The following CHCHD6 variants were observed in gnomAD, a reference collection of about 807,000 sequenced individuals.
CHCHD6 encodes coiled-coil-helix-coiled-coil-helix domain containing 6, also known as MICOS complex subunit MIC25.
CHCHD6 carries 28 observed loss-of-function variants against 32.3 expected under a neutral mutation model. The ratio of observed to expected loss-of-function variants is 0.87; its 90% CI spans 0.64 to 1.19. The LOEUF (loss-of-function observed/expected upper bound fraction) is 1.19, where lower values mean the gene tolerates loss of function less well. Ranked by LOEUF, CHCHD6 falls within the 50% of genes most tolerant of loss-of-function variation. CHCHD6 has a pLI of 0.00. For synonymous variants in CHCHD6, 122 were observed against 117.5 expected, an observed-to-expected ratio of 1.04 and a Z score of -0.25; for missense variants, 333 against 307.0, an observed-to-expected ratio of 1.08 and a Z score of -0.63.
At chr3:126,722,388 C>G (rs1365003949) in intron 1 of CHCHD6, among the ~76,000 whole-genome samples, 1 of 152,186 alleles carries the variant, frequency 6.6e-6, no homozygotes, top group Non-Finnish European at 1.5e-5. Context: ...GTCTCAAACT[C>G]CTGGTCTCAA....
chr3:126,909,900 GT>G (rs1293488409), intron 5 of CHCHD6, among the ~76,000 whole-genome samples: 1 of 152,236 alleles, frequency 6.6e-6, no homozygotes, highest in Non-Finnish European at 1.5e-5. Context: ...GTGCTGCAGG[GT>G]TCCAGGAGCT....
chr3:126,731,765 A>G (rs1935813328), intron 3 of CHCHD6, among the ~76,000 whole-genome samples: 1 of 152,066 alleles, frequency 6.6e-6, no homozygotes, highest in Non-Finnish European at 1.5e-5. Context: ...TACTCTCCCT[A>G]ATCGGTCTTA....
chr3:126,881,290 T>G (rs1319013577), intron 5 of CHCHD6, among the ~76,000 whole-genome samples: 1 of 152,186 alleles, frequency 6.6e-6, no homozygotes, highest in Non-Finnish European at 1.5e-5. Context: ...GCTCTGCCCC[T>G]CCTCTGGGCA....
intron 5 of CHCHD6, among the ~76,000 whole-genome samples, chr3:126,881,539 G>C (rs1005703020): frequency 1.3e-5 from 2 of 152,206 alleles, no homozygotes; most frequent in Non-Finnish European, 2.9e-5. Flanking sequence ...AGGTGTAAGA[G>C]AGCTGACCCT....
intron 1 of CHCHD6, 48 bp downstream of exon 1, chr3:126,704,447 G>C (rs1049232246): frequency 6.0e-5 from 73 of 1,221,986 alleles, no homozygotes; most frequent in Admixed American, 4.3e-4. Context: ...CCGCGGGCGC[G>C]GGGGGGAGGT....
chr3:126,792,654 T>C (rs962263262), intron 4 of CHCHD6, among the ~76,000 whole-genome samples: 4 of 152,196 alleles, frequency 2.6e-5, no homozygotes, highest in African/African-American at 9.7e-5. Context: ...CATTTTAGTG[T>C]TCATTTTATG....
intron 5 of CHCHD6, among the ~76,000 whole-genome samples, chr3:126,912,344 G>A (rs2078102825): frequency 6.6e-6 from 1 of 152,186 alleles, no homozygotes; most frequent in Admixed American, 6.5e-5. Context: ...GCCCAGGACA[G>A]GCAGTGCTGG....
At chr3:126,952,673 A>T (rs1413370066) in intron 6 of CHCHD6, among the ~76,000 whole-genome samples, 1 of 152,178 alleles carries the variant, frequency 6.6e-6, no homozygotes, top group African/African-American at 2.4e-5. Flanking sequence ...TGGGACGGAG[A>T]TGGAGGCAAA....
At chr3:126,733,878 C>T (rs1935921197) in intron 4 of CHCHD6, among the ~76,000 whole-genome samples, 2 of 152,180 alleles carry the variant, frequency 1.3e-5, no homozygotes, top group Non-Finnish European at 2.9e-5. Context: ...CAAGTGCCCC[C>T]AGGGTTGACT....
intron 6 of CHCHD6, among the ~76,000 whole-genome samples, chr3:126,917,016 A>AG (rs1024047170): frequency 8.5e-5 from 13 of 152,236 alleles, no homozygotes. Flanking sequence ...CACCATCATG[A>AG]GGGCAGGGAC....
chr3:126,713,904 T>A lies in CHCHD6; in HGVS notation c.87+9505T>A, dbSNP rs567897948. 2.0e-5 allele frequency among the ~76,000 whole-genome samples: 3 copies of A among 151,524 alleles called. No individual in the cohort carries two copies. In the South Asian group the frequency reaches 6.3e-4, roughly 32 times the overall value. The stretch of plus-strand genomic sequence containing the variant: ...CATCCTGTCTAATATGGTGAAACCC[T>A]GTCTCTACTAAAAATACAAAAAGTT... On this transcript the variant is annotated intron_variant, in intron 1 of 7. Transcript: ENST00000290913.
intron 6 of CHCHD6, among the ~76,000 whole-genome samples, chr3:126,935,993 T>C (rs142373916): frequency 8.5e-5 from 13 of 152,332 alleles, no homozygotes; most frequent in African/African-American, 9.6e-5. Context: ...AGGAAATCCA[T>C]AGATGGAAAG....
chr3:126,757,262 A>C (rs1386086268), intron 4 of CHCHD6, among the ~76,000 whole-genome samples: 1 of 152,188 alleles, frequency 6.6e-6, no homozygotes, highest in East Asian at 1.9e-4. Context: ...CAAAAATCAC[A>C]AAAAATTCAA....
chr3:126,851,452 G>T (rs1201304786), intron 4 of CHCHD6, among the ~76,000 whole-genome samples: 4 of 152,260 alleles, frequency 2.6e-5, no homozygotes, highest in Non-Finnish European at 5.9e-5. Flanking sequence ...TTGTGCTCTT[G>T]TGGGTAGTGA....
intron 5 of CHCHD6, among the ~76,000 whole-genome samples, chr3:126,882,804 T>G (rs2077629119): frequency 6.6e-6 from 1 of 152,186 alleles, no homozygotes; most frequent in Non-Finnish European, 1.5e-5. Flanking sequence ...AATATATATT[T>G]GGTATTCTGC....
At chr3:126,911,004 CTT>C (rs2078081723) in intron 5 of CHCHD6, among the ~76,000 whole-genome samples, 1 of 152,152 alleles carries the variant, frequency 6.6e-6, no homozygotes, top group Admixed American at 6.5e-5. Context: ...ACCCTCCATG[CTT>C]TCCATTTTTG....
At chr3:126,841,567 C>T (rs557053422) in intron 4 of CHCHD6, among the ~76,000 whole-genome samples, 27 of 152,204 alleles carry the variant, frequency 1.8e-4, no homozygotes, top group South Asian at 1.2e-3. Flanking sequence ...CTATAACCAT[C>T]ATTTATCTTT....
intron 6 of CHCHD6, among the ~76,000 whole-genome samples, chr3:126,947,511 G>A (rs1012973339): frequency 6.6e-6 from 1 of 152,204 alleles, no homozygotes; most frequent in African/African-American, 2.4e-5. Context: ...CAAGAGCTAT[G>A]GAGCTGAGCA....
intron 4 of CHCHD6, among the ~76,000 whole-genome samples, chr3:126,791,727 A>C (rs555020595): frequency 6.6e-6 from 1 of 152,228 alleles, no homozygotes; most frequent in Non-Finnish European, 1.5e-5. Context: ...CTCCTGCCTC[A>C]GCCTCCCAAG....
Sources: gnomAD v4.1 joint callset for allele counts (sites outside exome capture counted in the v4.1 genomes callset) on GRCh38, gnomAD v4.1.1 for gene constraint, MANE v1.5 for transcripts, NCBI Gene and HGNC (gene_info 2026-07-23, HGNC 2026-07-21) for gene names.